The following DNAJC2 variants were observed in gnomAD, a reference collection of about 807,000 sequenced individuals.
DNAJC2 encodes the protein dnaJ homolog subfamily C member 2.
In DNAJC2, 32 loss-of-function variants were observed where a neutral mutation model predicts 94.0. The observed-to-expected ratio is 0.34, with a 90% CI of 0.26 to 0.46. The LOEUF (loss-of-function observed/expected upper bound fraction) is 0.46. DNAJC2 is among the 20% of genes least tolerant of loss of function. The pLI is 1.00. For missense variants in DNAJC2, 550 were observed against 719.5 expected, an observed-to-expected ratio of 0.76 and a Z score of 2.69; for synonymous variants, 210 against 229.7, an observed-to-expected ratio of 0.91 and a Z score of 0.77.
Position 103,319,587 on chromosome 7 carries a change from G to C in DNAJC2, c.1242+22C>G, listed in dbSNP as rs201350713. The C allele has an allele frequency of 3.0e-4, 479 of 1,609,950 alleles. 4 individuals carry two copies. In the Middle Eastern group the frequency reaches 9.1e-3, roughly 31 times the overall value. On this transcript the variant is annotated intron_variant, in intron 12 of 16. Coordinates refer to ENST00000379263, the MANE Select transcript of DNAJC2 (RefSeq NM_014377.3). ...AGAATTAAATGCTACATATAGGTAGGAGTGATGTGTTCCTCTATTACCTGT... is the reference window on the plus strand; with the variant it reads ...AGAATTAAATGCTACATATAGGTAGCAGTGATGTGTTCCTCTATTACCTGT...
At chr7:103,313,176 T>A (rs1586056741) in intron 15 of DNAJC2, 75 bp from the exon 16 acceptor site, 1 of 1,495,756 alleles carries the variant, frequency 6.7e-7, no homozygotes, top group Non-Finnish European at 8.9e-7. Context: ...CCACAAGTAT[T>A]CGCTAAGTGC....
intron 5 of DNAJC2, among the ~76,000 whole-genome samples, chr7:103,324,974 TA>T (rs1451296703): frequency 6.6e-6 from 1 of 152,188 alleles, no homozygotes; most frequent in Non-Finnish European, 1.5e-5. Context: ...CAGAGGGAAC[TA>T]ATTTCCACCT....
intron 1 of DNAJC2, chr7:103,344,258 G>C: frequency 2.3e-6 from 1 of 432,010 alleles, no homozygotes; most frequent in East Asian, 3.8e-5. Flanking sequence ...ATGCTTATGA[G>C]AACCTTTCTG....
intron 6 of DNAJC2, 38 bp from the exon 7 acceptor site, chr7:103,323,701 T>G: frequency 2.3e-6 from 3 of 1,313,280 alleles, no homozygotes; most frequent in Non-Finnish European, 3.0e-6. Context: ...CAAGACAGAA[T>G]AAATGAAAAA....
chr7:103,344,482 G>T, intron 1 of DNAJC2, 77 bp downstream of exon 1: 2 of 1,539,884 alleles, frequency 1.3e-6, no homozygotes, highest in Non-Finnish European at 9.0e-7. Context: ...GGTAGAGAGA[G>T]CCCAGGGTTG....
In DNAJC2 at chr7:103,321,809, C is replaced by G. The variant is rs556267919; in HGVS notation, c.1083+123G>C. 42 of 1,107,140 alleles carry G rather than the reference C, an allele frequency of 3.8e-5. No homozygotes were observed. In the Admixed American group the frequency reaches 6.7e-4, roughly 18 times the overall value. The allele number at this position is 1,107,140 out of a possible 1,614,324, so 68.6% of individuals were successfully genotyped here. ...ATTGCGGTGAACTGAGATCGCGCCA[C>G]TGCACTCCAGCCTGGGCGACAGAGC... On this transcript the variant is annotated intron_variant, in intron 10 of 16. Transcript: ENST00000379263.
intron 3 of DNAJC2, among the ~76,000 whole-genome samples, chr7:103,333,951 A>T (rs73175843): frequency 0.071 from 9,894 of 139,428 alleles, 384 homozygotes; most frequent in South Asian, 0.14. Context: ...TGTTGTGAAC[A>T]TTTTTTTTTT....
chr7:103,320,908 T>G (rs1310574365), intron 10 of DNAJC2: 2 of 161,360 alleles, frequency 1.2e-5, no homozygotes, highest in Non-Finnish European at 2.7e-5. Context: ...AGAAATACAT[T>G]TATGCTTGGC....
At chr7:103,337,413 A>G (rs1177477704) in intron 3 of DNAJC2, 1 of 200,214 alleles carries the variant, frequency 5.0e-6, no homozygotes, top group African/African-American at 2.3e-5. Context: ...GGCAGTATCC[A>G]CTAAGTGCAG....
intron 15 of DNAJC2, 165 bp from the exon 16 acceptor site, chr7:103,313,266 A>G (rs1817859689): frequency 1.5e-6 from 2 of 1,348,674 alleles, no homozygotes; most frequent in Non-Finnish European, 1.9e-6. Context: ...AGTGTTAATA[A>G]GAGAAAAAAT....
intron 3 of DNAJC2, among the ~76,000 whole-genome samples, chr7:103,333,830 A>G (rs2116004919): frequency 6.6e-6 from 1 of 152,310 alleles, no homozygotes; most frequent in East Asian, 1.9e-4. Flanking sequence ...TGTTCTTTTA[A>G]AAATTGCTGA....
intron 10 of DNAJC2, 89 bp from the exon 11 acceptor site, chr7:103,319,933 G>C: frequency 7.1e-7 from 1 of 1,403,464 alleles, no homozygotes; most frequent in Non-Finnish European, 1.0e-6. Flanking sequence ...TACTCGGGAG[G>C]CTGAGGCAGG....
chr7:103,315,788 C>G lies in DNAJC2; in HGVS notation c.1612G>C (p.Ala538Pro). The G allele has an allele frequency of 6.2e-7, 1 of 1,613,554 alleles. No individual in the cohort carries two copies. Among genetic ancestry groups the G allele is most frequent in the Non-Finnish European group, 8.5e-7 (1 of 1,179,706 alleles). Residue 538 changes from alanine to proline, a missense_variant, in exon 15 of 17, where the codon GCA (alanine) becomes CCA (proline). Physicochemically the swap from Ala to Pro is conservative, Grantham distance 27 (BLOSUM62 -1). This residue lies in a region of DNAJC2 where 271 missense variants were observed against 302.6 expected (regional missense o/e 0.90). Transcript: ENST00000379263. ...EHGVVPQADNATPSERFEGPY... is the reference protein window; with the variant it reads ...EHGVVPQADNPTPSERFEGPY... The stretch of plus-strand genomic sequence containing the variant: ...CCTTCAAATCGTTCTGAAGGCGTTG[C>G]GTTGTCTGCTTGAGGTACCACTCCA...
intron 1 of DNAJC2, among the ~76,000 whole-genome samples, chr7:103,343,852 A>G (rs1380136283): frequency 1.3e-5 from 2 of 152,208 alleles, no homozygotes; most frequent in Admixed American, 1.3e-4. Flanking sequence ...ACGGAGACAC[A>G]TAAATGCAAC....
Position 103,343,061 on chromosome 7 carries a change from G to A in DNAJC2, c.65-1107C>T, listed in dbSNP as rs112262537. The stretch of plus-strand genomic sequence containing the variant: ...GTTGTCCAGGCTGTAGTGCAATAGC[G>A]CAATCTCGGCTCACTGCAACCTCCG... On this transcript the variant is annotated intron_variant, in intron 1 of 16. Coordinates refer to ENST00000379263, the MANE Select transcript of DNAJC2 (RefSeq NM_014377.3). Among the ~76,000 whole-genome samples, 1,449 of 151,666 alleles carry A rather than the reference G, an allele frequency of 9.6e-3. 18 individuals carry two copies. The highest frequency in any genetic ancestry group is 0.032 in the African/African-American group (1,340 of 41,354).
intron 15 of DNAJC2, chr7:103,313,997 C>G (rs1286851397): frequency 1.0e-6 from 1 of 985,182 alleles, no homozygotes; most frequent in Non-Finnish European, 1.2e-6. Context: ...AGCCTAGAAA[C>G]CAAAGTTCCT....
chr7:103,337,508 C>T (rs1200825911), intron 3 of DNAJC2: 2 of 458,762 alleles, frequency 4.4e-6, no homozygotes, highest in Admixed American at 7.9e-5. Flanking sequence ...CACACACACC[C>T]ATCCTAATTT....
chr7:103,337,190 G>C (rs1178910522), intron 3 of DNAJC2: 1 of 152,552 alleles, frequency 6.6e-6, no homozygotes, highest in Non-Finnish European at 1.5e-5. Context: ...AGGACATTTA[G>C]GAGCATTAAG....
rs78075491 is a variant in DNAJC2, at chr7:103,318,090, G to T, written c.1243-1076C>A. Among the ~76,000 whole-genome samples the T allele has an allele frequency of 1.3e-3, 203 of 152,240 alleles. 7 individuals carry two copies. The East Asian group carries it at 0.037, about 28-fold the overall frequency. ...GCAGTAATGGAAACTAGTCAACAAG[G>T]TATTAAAAACCTGATCATTGGTTCT... On this transcript the variant is annotated intron_variant, in intron 12 of 16. Transcript: ENST00000379263.
Sources: gnomAD v4.1 joint callset for allele counts (sites outside exome capture counted in the v4.1 genomes callset) on GRCh38, gnomAD v4.1.1 for gene constraint, gnomAD v4.1.1 regional missense constraint, MANE v1.5 for transcripts, NCBI Gene and HGNC (gene_info 2026-07-23, HGNC 2026-07-21) for gene names.